CSMD1: variants seen among roughly 807,000 people sequenced by gnomAD.
The protein encoded by CSMD1 is CUB and sushi domain-containing protein 1.
CSMD1 carries 213 observed loss-of-function variants against 417.5 expected under a neutral mutation model. The ratio of observed to expected loss-of-function variants is 0.51; its 90% CI spans 0.46 to 0.57. The LOEUF is 0.57. CSMD1 is among the 20% of genes least tolerant of loss of function. The pLI, the probability that CSMD1 is intolerant of heterozygous loss-of-function variation, is 0.00. For missense variants in CSMD1, 6,923 were observed against 4,529.7 expected (o/e 1.53, Z -15.17); for synonymous variants, 2,862 against 1,736.8 (o/e 1.65, Z -16.11).
At chr8:3,520,606 G>A (rs1438805947) in intron 10 of CSMD1, among the ~76,000 whole-genome samples, 2 of 152,216 alleles carry the variant, frequency 1.3e-5, no homozygotes, top group Non-Finnish European at 1.5e-5. Flanking sequence ...ACCATTTACT[G>A]CTTGCTCATT....
intron 3 of CSMD1, among the ~76,000 whole-genome samples, chr8:4,220,454 T>G (rs953581523): frequency 6.6e-6 from 1 of 152,226 alleles, no homozygotes; most frequent in African/African-American, 2.4e-5. Flanking sequence ...GTCAGGGCAG[T>G]GAGAAGACCT....
At chr8:3,564,400 T>G (rs1446114168) in intron 10 of CSMD1, among the ~76,000 whole-genome samples, 1 of 152,224 alleles carries the variant, frequency 6.6e-6, no homozygotes, top group Non-Finnish European at 1.5e-5. Flanking sequence ...TCACACCTGC[T>G]AAATAGTTGC....
At chr8:3,439,120 C>G (rs1361909396) in intron 12 of CSMD1, among the ~76,000 whole-genome samples, 1 of 11,270 alleles carries the variant, frequency 8.9e-5, no homozygotes, top group Non-Finnish European at 1.3e-4. Flanking sequence ...AAGACTCCAT[C>G]TCAAAAAAAA....
chr8:4,839,851 G>A (rs1282857666), intron 1 of CSMD1, among the ~76,000 whole-genome samples: 1 of 152,172 alleles, frequency 6.6e-6, no homozygotes, highest in African/African-American at 2.4e-5. Flanking sequence ...TTGCATGCTA[G>A]AATGTATATC....
At chr8:4,837,706 G>A (rs565917495) in intron 1 of CSMD1, among the ~76,000 whole-genome samples, 86 of 151,958 alleles carry the variant, frequency 5.7e-4, no homozygotes, top group Non-Finnish European at 8.8e-4. Flanking sequence ...ATCACAATAC[G>A]GTGACTATAG....
chr8:4,297,732 T>A (rs1797763170), intron 3 of CSMD1, among the ~76,000 whole-genome samples: 1 of 152,144 alleles, frequency 6.6e-6, no homozygotes, highest in African/African-American at 2.4e-5. Context: ...GGAAGATCAT[T>A]CAATGGCACC....
At chr8:4,758,113 A>C (rs1278523807) in intron 1 of CSMD1, among the ~76,000 whole-genome samples, 1 of 152,138 alleles carries the variant, frequency 6.6e-6, no homozygotes, top group African/African-American at 2.4e-5. Context: ...CAACCAAAGG[A>C]AATAATTGGC....
chr8:4,187,676 C>A lies in CSMD1; in HGVS notation c.416-155577G>T, dbSNP rs372983115. 1.7e-3 allele frequency among the ~76,000 whole-genome samples: 148 copies of A among 88,492 alleles called. 1 individual carries two copies. Among genetic ancestry groups the A allele is most frequent in the South Asian group, 3.5e-3 (7 of 1,974 alleles). 58.1% of individuals were successfully genotyped at this position (88,492 alleles called of 152,430 possible). On this transcript the variant is annotated intron_variant, in intron 3 of 69. Transcript: ENST00000635120. ...GGGCAACAAGAGTGAAACTCCGTCTCAAAAAAAAAAAAAAAAAAGCATTCA... is the reference window on the plus strand; with the variant it reads ...GGGCAACAAGAGTGAAACTCCGTCTAAAAAAAAAAAAAAAAAAAGCATTCA...
At chr8:3,071,835 A>C (rs1165496163) in intron 49 of CSMD1, among the ~76,000 whole-genome samples, 2 of 152,188 alleles carry the variant, frequency 1.3e-5, no homozygotes, top group Non-Finnish European at 2.9e-5. Flanking sequence ...TTTGGTCACC[A>C]AACCTGTCCA....
At chr8:3,259,434 A>G (rs1257665135) in intron 26 of CSMD1, among the ~76,000 whole-genome samples, 4 of 152,128 alleles carry the variant, frequency 2.6e-5, no homozygotes, top group Admixed American at 6.6e-5. Flanking sequence ...GAGTGAATGA[A>G]TGAATGAATG....
chr8:3,751,259 G>A (rs987029471), intron 6 of CSMD1, among the ~76,000 whole-genome samples: 2 of 150,988 alleles, frequency 1.3e-5, no homozygotes, highest in Non-Finnish European at 2.9e-5. Flanking sequence ...AGAATTAAAT[G>A]CCAAATTTTT....
chr8:4,360,503 T>A (rs1432886716), intron 3 of CSMD1, among the ~76,000 whole-genome samples: 1 of 152,144 alleles, frequency 6.6e-6, no homozygotes, highest in Admixed American at 6.5e-5. Flanking sequence ...CCTCCCAGGT[T>A]CTTTGAGATG....
Position 3,836,960 on chromosome 8 carries a change from T to C in CSMD1, c.819-82918A>G, listed in dbSNP as rs895131117. Among the ~76,000 whole-genome samples the C allele has an allele frequency of 6.6e-5, 10 of 152,102 alleles. 1 individual carries two copies. The highest frequency in any genetic ancestry group is 2.4e-4 in the African/African-American group (10 of 41,506). On this transcript the variant is annotated intron_variant, in intron 5 of 69. Transcript: ENST00000635120. ...CACTAAAGTTGGCAAAAATAAAAAG[T>C]TTTATAAAAGAAAACAGAACTAAGA...
intron 5 of CSMD1, among the ~76,000 whole-genome samples, chr8:3,835,255 A>T (rs1215591631): frequency 6.6e-6 from 1 of 151,864 alleles, no homozygotes; most frequent in Non-Finnish European, 1.5e-5. Flanking sequence ...GCTGCTATAA[A>T]GACACATGCA....
At position 4,037,671 on chromosome 8, in the gene CSMD1, G is replaced by C. The variant is rs1281368527; in HGVS notation, c.416-5572C>G. On this transcript the variant is annotated intron_variant, in intron 3 of 69. Transcript: ENST00000635120. ...CTGAAAATGTTTTCCCATCAGTATT[G>C]ATTTTAAAGGGGAAGGTGTGAAGAT... Among the ~76,000 whole-genome samples the C allele has an allele frequency of 3.9e-5, 6 of 152,172 alleles. No homozygotes were observed. The South Asian group carries it at 1.0e-3, about 26-fold the overall frequency.
chr8:3,732,656 G>C (rs947335486), intron 6 of CSMD1, among the ~76,000 whole-genome samples: 1 of 151,998 alleles, frequency 6.6e-6, no homozygotes, highest in South Asian at 2.1e-4. Context: ...TTTGAACAGA[G>C]TTCAATCCTA....
At chr8:4,282,715 A>G (rs1175732344) in intron 3 of CSMD1, among the ~76,000 whole-genome samples, 1 of 152,204 alleles carries the variant, frequency 6.6e-6, no homozygotes, top group African/African-American at 2.4e-5. Flanking sequence ...CTCATTTATA[A>G]TCGGAACAAT....
At chr8:3,705,938 C>T (rs1241707097) in intron 7 of CSMD1, among the ~76,000 whole-genome samples, 1 of 152,216 alleles carries the variant, frequency 6.6e-6, no homozygotes, top group Non-Finnish European at 1.5e-5. Flanking sequence ...GGCATGTGGG[C>T]AGCCAGTGTC....
chr8:4,092,428 G>C (rs374747776), intron 3 of CSMD1, among the ~76,000 whole-genome samples: 2 of 152,058 alleles, frequency 1.3e-5, no homozygotes, highest in Non-Finnish European at 2.9e-5. Flanking sequence ...AGCATATTAT[G>C]AGACTATATT....
Sources: gnomAD v4.1 joint callset for allele counts (sites outside exome capture counted in the v4.1 genomes callset) on GRCh38, gnomAD v4.1.1 for gene constraint, MANE v1.5 for transcripts, NCBI Gene and HGNC (gene_info 2026-07-23, HGNC 2026-07-21) for gene names.